DOCK11: variants seen among roughly 807,000 people sequenced by gnomAD.
The protein encoded by DOCK11 is dedicator of cytokinesis 11, also known as dedicator of cytokinesis protein 11.
DOCK11 carries 70 observed loss-of-function variants against 169.1 expected under a neutral mutation model. That is an observed-to-expected ratio of 0.41 (90% CI 0.34 to 0.51). DOCK11 has a LOEUF of 0.51. Among genes scored for constraint, DOCK11 ranks in the 20% least tolerant of loss-of-function variants. DOCK11 has a pLI of 0.10. For synonymous variants in DOCK11, 529 were observed against 541.3 expected, an observed-to-expected ratio of 0.98 and a Z score of 0.32; for missense variants, 1,166 against 1,538.8, an observed-to-expected ratio of 0.76 and a Z score of 4.05.
chrX:118,533,449 A>G, intron 1 of DOCK11, among the ~76,000 whole-genome samples: 1 of 112,257 alleles, frequency 8.9e-6, no homozygotes, highest in Non-Finnish European at 1.9e-5. Flanking sequence ...TTTTGCCCCT[A>G]TCAAGGTTGA....
In DOCK11 at chrX:118,655,053, G is replaced by A. The variant is rs1375407875; in HGVS notation, c.4969+92G>A. ...GTTTAGCTATGAATATGATATAATA[G>A]AACACTGAAAAATATGTTCACCCTT... On this transcript the variant is annotated intron_variant, in intron 44 of 52. Coordinates refer to ENST00000276202, the MANE Select transcript of DOCK11 (RefSeq NM_144658.4). 6 of 843,493 alleles carry A rather than the reference G, an allele frequency of 7.1e-6. No homozygotes were observed. In the African/African-American group the frequency reaches 1.2e-4, roughly 17 times the overall value. The allele number at this position is 843,493 out of a possible 1,213,427, so 69.5% of individuals were successfully genotyped here.
rs762858840 is a variant in DOCK11 at position 118,568,149 on chromosome X, A to T, written c.1022A>T (p.Asp341Val). 2 of 1,146,923 alleles carry T rather than the reference A, an allele frequency of 1.7e-6. No individual in the cohort carries two copies. Among genetic ancestry groups the T allele is most frequent in the Non-Finnish European group, 2.3e-6 (2 of 853,927 alleles). The allele number at this position is 1,146,923 out of a possible 1,213,427, so 94.5% of individuals were successfully genotyped here. A position where few individuals can be genotyped will look rare whatever the true frequency, so the allele number is the denominator to read the frequency against. ...GGAAGACAGAATCTCTTTTCTTTTG[A>T]TTCAGAAGTTCAGGTATTAATGATA... ...GDGRQNLFSF[D>V]SEVQRLDFSG... The change falls in exon 10 of 53, where the codon GAT becomes GTT. Residue 341 changes from aspartate to valine, a missense_variant. Coordinates refer to ENST00000276202, the MANE Select transcript of DOCK11 (RefSeq NM_144658.4).
chrX:118,614,627 C>A, intron 28 of DOCK11, 65 bp from the exon 29 acceptor site: 2 of 838,561 alleles, frequency 2.4e-6, no homozygotes, highest in Non-Finnish European at 1.7e-6. Flanking sequence ...TAAAACTTTA[C>A]ATTTTTAAAA....
intron 13 of DOCK11, 68 bp from the exon 14 acceptor site, chrX:118,580,029 T>C: frequency 1.1e-6 from 1 of 941,587 alleles, no homozygotes; most frequent in Non-Finnish European, 1.4e-6. Flanking sequence ...GTTGGGGAAA[T>C]TATTTTTCTG....
chrX:118,557,689 A>C (rs1396198862), intron 6 of DOCK11, among the ~76,000 whole-genome samples: 2 of 93,915 alleles, frequency 2.1e-5, no homozygotes, highest in Non-Finnish European at 4.1e-5. Context: ...GCGTGAACCC[A>C]GGAGGTGGAG....
chrX:118,626,131 T>A (rs934381970), intron 32 of DOCK11, among the ~76,000 whole-genome samples: 2 of 107,579 alleles, frequency 1.9e-5, no homozygotes, highest in Non-Finnish European at 3.8e-5. Flanking sequence ...AGTGGCATGA[T>A]CTCAGCTCAC....
intron 31 of DOCK11, among the ~76,000 whole-genome samples, chrX:118,620,044 C>T (rs2014931788): frequency 9.0e-6 from 1 of 110,555 alleles, no homozygotes; most frequent in Non-Finnish European, 1.9e-5. Context: ...TCCTCATTTC[C>T]TGACCTCATG....
intron 52 of DOCK11, 56 bp downstream of exon 52, chrX:118,683,273 G>T: frequency 8.7e-7 from 1 of 1,146,824 alleles, no homozygotes; most frequent in Non-Finnish European, 1.2e-6. Flanking sequence ...CAAAATTGTT[G>T]CTTAGCAAAA....
intron 22 of DOCK11, 78 bp downstream of exon 22, chrX:118,598,194 C>T (rs1357936292): frequency 5.3e-6 from 4 of 756,581 alleles, no homozygotes; most frequent in African/African-American, 4.1e-5. Context: ...TTGATTCCTA[C>T]AGCCTTAGAG....
chrX:118,557,976 CTTT>C (rs761127913), intron 6 of DOCK11, among the ~76,000 whole-genome samples: 1 of 90,507 alleles, frequency 1.1e-5, no homozygotes, highest in Non-Finnish European at 2.2e-5. Flanking sequence ...CTGTGTGAAC[CTTT>C]TTTTTTTTTT....
At chrX:118,584,499 A>G (rs2013755075) in intron 14 of DOCK11, among the ~76,000 whole-genome samples, 1 of 112,286 alleles carries the variant, frequency 8.9e-6, no homozygotes, top group African/African-American at 3.2e-5. Flanking sequence ...ATTTATTTAT[A>G]TAAATTTTTG....
intron 20 of DOCK11, among the ~76,000 whole-genome samples, chrX:118,595,269 A>G (rs1282091699): frequency 8.9e-6 from 1 of 111,791 alleles, no homozygotes; most frequent in Non-Finnish European, 1.9e-5. Flanking sequence ...GTGCAGAAGA[A>G]GAACATATTG....
intron 1 of DOCK11, among the ~76,000 whole-genome samples, chrX:118,529,757 G>C: frequency 9.0e-6 from 1 of 111,521 alleles, no homozygotes; most frequent in East Asian, 2.8e-4. Flanking sequence ...GGAAGAAGTG[G>C]TCACCTGTAC....
In DOCK11 at chrX:118,627,595, G is replaced by GGA; in HGVS notation, c.3664+19_3664+20dup. On this transcript the variant is annotated intron_variant, in intron 33 of 52. Coordinates refer to ENST00000276202, the MANE Select transcript of DOCK11 (RefSeq NM_144658.4). ...AAAGACACCGGTAATTAAACCTTTT[G>GGA]GAGATGATACATTGCGTGGGTGTTT... 8.6e-7 allele frequency: 1 copy of GGA among 1,157,511 alleles called. No individual in the cohort carries two copies. The highest frequency in any genetic ancestry group is 1.2e-6 in the Non-Finnish European group (1 of 847,268).
intron 1 of DOCK11, among the ~76,000 whole-genome samples, chrX:118,497,604 G>C (rs1170434570): frequency 3.6e-5 from 4 of 111,999 alleles, no homozygotes; most frequent in African/African-American, 1.3e-4. Context: ...TTGGAGCCTT[G>C]CCTGTCATCA....
intron 1 of DOCK11, among the ~76,000 whole-genome samples, chrX:118,537,526 T>C (rs2147339253): frequency 8.9e-6 from 1 of 112,525 alleles, no homozygotes; most frequent in Non-Finnish European, 1.9e-5. Context: ...TATTCTTGTG[T>C]CTTACACATT....
chrX:118,605,592 T>A lies in DOCK11; in HGVS notation c.2681+236T>A, dbSNP rs970043133. Among the ~76,000 whole-genome samples the A allele has an allele frequency of 3.6e-5, 4 of 112,386 alleles. No individual in the cohort carries two copies. The East Asian group carries it at 1.1e-3, about 31-fold the overall frequency. On this transcript the variant is annotated intron_variant, in intron 24 of 52. Coordinates refer to ENST00000276202, the MANE Select transcript of DOCK11 (RefSeq NM_144658.4). Reference sequence around the variant, plus strand: ...ATTTTGAATTTTCCACGGTTTCTCCTGTGATTGATTTCTAGTTTCATTCCA... The same window carrying A: ...ATTTTGAATTTTCCACGGTTTCTCCAGTGATTGATTTCTAGTTTCATTCCA...
At chrX:118,543,746 C>G (rs772751923) in intron 4 of DOCK11, among the ~76,000 whole-genome samples, 153 bp downstream of exon 4, 33 of 112,062 alleles carry the variant, frequency 2.9e-4, no homozygotes, top group African/African-American at 7.1e-4. Context: ...GTCAGGAGAT[C>G]GAGACCATCC....
At chrX:118,670,350 A>G (rs1251648276) in intron 45 of DOCK11, among the ~76,000 whole-genome samples, 1 of 111,622 alleles carries the variant, frequency 9.0e-6, no homozygotes, top group Non-Finnish European at 1.9e-5. Context: ...TCATGTTTTC[A>G]TCGTTGAGAA....
Sources: allele counts gnomAD v4.1 joint callset (sites outside exome capture counted in the v4.1 genomes callset), GRCh38; gene constraint gnomAD v4.1.1; transcripts MANE v1.5; gene names NCBI Gene and HGNC (gene_info 2026-07-23, HGNC 2026-07-21).